Variants in ONECUT2 observed in about 807,000 individuals in gnomAD.
ONECUT2 encodes the protein one cut homeobox 2.
ONECUT2 carries 10 observed loss-of-function variants against 27.9 expected under a neutral mutation model. The observed-to-expected ratio is 0.36, with a 90% CI of 0.22 to 0.61. The LOEUF is 0.61. Among genes scored for constraint, ONECUT2 ranks in the 20% least tolerant of loss-of-function variants. The pLI, the probability that ONECUT2 is intolerant of heterozygous loss-of-function variation, is 0.73. For synonymous variants in ONECUT2, 334 were observed against 315.1 expected, an observed-to-expected ratio of 1.06 and a Z score of -0.64; for missense variants, 686 against 721.0, an observed-to-expected ratio of 0.95 and a Z score of 0.56.
At chr18:57,467,460 G>T (rs2050329297) in intron 1 of ONECUT2, among the ~76,000 whole-genome samples, 1 of 152,104 alleles carries the variant, frequency 6.6e-6, no homozygotes, top group Non-Finnish European at 1.5e-5. Context: ...CTGCCTCCCG[G>T]GTTGAAGTGA....
chr18:57,437,363 C>G (rs2050148686), intron 1 of ONECUT2, among the ~76,000 whole-genome samples: 1 of 152,212 alleles, frequency 6.6e-6, no homozygotes, highest in Non-Finnish European at 1.5e-5. Context: ...CCATGCACTT[C>G]AAGTCTCTTT....
intron 1 of ONECUT2, among the ~76,000 whole-genome samples, chr18:57,440,131 G>T (rs1338307462): frequency 6.6e-6 from 1 of 152,248 alleles, no homozygotes; most frequent in Non-Finnish European, 1.5e-5. Flanking sequence ...CGGAAAGGGC[G>T]GCTAAGTGGC....
chr18:57,437,271 C>T (rs1462789807), intron 1 of ONECUT2, among the ~76,000 whole-genome samples: 3 of 150,876 alleles, frequency 2.0e-5, no homozygotes, highest in South Asian at 2.2e-4. Flanking sequence ...TACTGGGAGG[C>T]GGGATGGGGG....
chr18:57,451,307 A>G (rs747738462), intron 1 of ONECUT2, among the ~76,000 whole-genome samples: 7 of 152,222 alleles, frequency 4.6e-5, no homozygotes, highest in Non-Finnish European at 1.0e-4. Context: ...CATGATAACT[A>G]GGTAAGCAAT....
In ONECUT2 at chr18:57,435,824, C is replaced by T. The variant is rs759992503; in HGVS notation, c.108C>T (p.Ala36=). The change falls in exon 1 of 2, where the codon GCC becomes GCT. Residue 36 remains alanine (A), a synonymous_variant. Coordinates refer to ENST00000491143, the MANE Select transcript of ONECUT2 (RefSeq NM_004852.3). ...GTCTGGGCACTTTGCACGGGCCGGC[C>T]GGCGGCGGCAGTGGCGGGGGCGGCG... ...MESLGTLHGP[A]GGGSGGGGGG... 1.4e-5 allele frequency: 16 copies of T among 1,104,292 alleles called. No individual in the cohort carries two copies. The highest frequency in any genetic ancestry group is 1.2e-4 in the African/African-American group (7 of 58,918). The allele number at this position is 1,104,292 out of a possible 1,614,324, so 68.4% of individuals were successfully genotyped here.
chr18:57,435,618 GC>G lies in ONECUT2; in HGVS notation c.-96del. On this transcript the variant is annotated 5_prime_UTR_variant, in exon 1 of 2. Transcript: ENST00000491143. Reference sequence around the variant, plus strand: ...CGCACTCCTCTCCACTCACTCCCGCGCCCGCCCCCACTCCCGCAGCCGAGCC... The same window carrying G: ...CGCACTCCTCTCCACTCACTCCCGCGCCGCCCCCACTCCCGCAGCCGAGCC... 6.2e-6 allele frequency: 6 copies of G among 960,678 alleles called. No homozygotes were observed. Among genetic ancestry groups the G allele is most frequent in the Non-Finnish European group, 7.4e-6 (6 of 810,576 alleles). The allele number at this position is 960,678 out of a possible 1,614,324, so 59.5% of individuals were successfully genotyped here. A position where few individuals can be genotyped will look rare whatever the true frequency, so the allele number is the denominator to read the frequency against.
At chr18:57,451,795 A>G (rs1190241433) in intron 1 of ONECUT2, among the ~76,000 whole-genome samples, 1 of 152,184 alleles carries the variant, frequency 6.6e-6, no homozygotes. Flanking sequence ...GAATCCAAGT[A>G]TTCCACCCCT....
At chr18:57,454,319 A>G (rs186285618) in intron 1 of ONECUT2, among the ~76,000 whole-genome samples, 1 of 152,290 alleles carries the variant, frequency 6.6e-6, no homozygotes, top group Admixed American at 6.5e-5. Context: ...ACTTCTCCAT[A>G]TATCAGCAGG....
rs1043840866 is a variant in ONECUT2 at position 57,477,819 on chromosome 18, GTTT to G, written c.*1099_*1101del. On this transcript the variant is annotated 3_prime_UTR_variant, in exon 2 of 2. Coordinates refer to ENST00000491143, the MANE Select transcript of ONECUT2 (RefSeq NM_004852.3). ...CCATTCTCGCTCTTTCTGATTTGGGGTTTTTCCTCATCCATCCCATTAGTAGGG... is the reference window on the plus strand; with the variant it reads ...CCATTCTCGCTCTTTCTGATTTGGGGTTCCTCATCCATCCCATTAGTAGGG... 1.3e-5 allele frequency: 2 copies of G among 152,316 alleles called. No homozygotes were observed. Among genetic ancestry groups the G allele is most frequent in the Admixed American group, 1.3e-4 (2 of 15,252 alleles). The allele number at this position is 152,316 out of a possible 1,614,324, so 9.4% of individuals were successfully genotyped here.
chr18:57,446,711 CTG>C (rs2050201925), intron 1 of ONECUT2, among the ~76,000 whole-genome samples: 1 of 152,200 alleles, frequency 6.6e-6, no homozygotes, highest in African/African-American at 2.4e-5. Context: ...TCCTTTGAAA[CTG>C]TAACCTCTGC....
At chr18:57,445,010 A>T (rs1468203243) in intron 1 of ONECUT2, among the ~76,000 whole-genome samples, 3 of 152,172 alleles carry the variant, frequency 2.0e-5, no homozygotes, top group Non-Finnish European at 2.9e-5. Context: ...GACAAAATAG[A>T]TGCATTTGGC....
chr18:57,474,637 A>G (rs1404976612), intron 1 of ONECUT2, among the ~76,000 whole-genome samples: 4 of 152,126 alleles, frequency 2.6e-5, no homozygotes, highest in Admixed American at 6.5e-5. Context: ...TTATGGCCCA[A>G]TCACCTCCCA....
intron 1 of ONECUT2, among the ~76,000 whole-genome samples, chr18:57,442,276 C>A: frequency 6.8e-6 from 1 of 146,936 alleles, no homozygotes. Flanking sequence ...ATTATGAATC[C>A]CACCTGTTGA....
At chr18:57,453,001 T>G (rs140574415) in intron 1 of ONECUT2, among the ~76,000 whole-genome samples, 4 of 152,358 alleles carry the variant, frequency 2.6e-5, no homozygotes, top group Non-Finnish European at 5.9e-5. Flanking sequence ...TTTTTTAAAC[T>G]TAGGTTCTAC....
At chr18:57,472,685 A>C (rs907926112) in intron 1 of ONECUT2, among the ~76,000 whole-genome samples, 1 of 152,038 alleles carries the variant, frequency 6.6e-6, no homozygotes, top group Non-Finnish European at 1.5e-5. Flanking sequence ...TAATATTTTT[A>C]TCTTAAATAT....
intron 1 of ONECUT2, among the ~76,000 whole-genome samples, chr18:57,439,188 C>T (rs1191821856): frequency 1.3e-5 from 2 of 152,194 alleles, no homozygotes; most frequent in Non-Finnish European, 2.9e-5. Flanking sequence ...TAAAATGATC[C>T]CAAGCGTTGC....
rs1328359384 is a variant in ONECUT2, at chr18:57,483,557, G to GA, written c.*6835dup. 1 of 152,512 alleles carries GA rather than the reference G, an allele frequency of 6.6e-6. No homozygotes were observed. The highest frequency in any genetic ancestry group is 2.4e-5 in the African/African-American group (1 of 41,430). The allele number at this position is 152,512 out of a possible 1,614,324, so 9.4% of individuals were successfully genotyped here. On this transcript the variant is annotated 3_prime_UTR_variant, in exon 2 of 2. Coordinates refer to ENST00000491143, the MANE Select transcript of ONECUT2 (RefSeq NM_004852.3). ...TTATTTAATCATCCTTCCTTAGTTTGATTCTACTCCTTGTACTTATTTATC... is the reference window on the plus strand; with the variant it reads ...TTATTTAATCATCCTTCCTTAGTTTGAATTCTACTCCTTGTACTTATTTATC...
chr18:57,462,979 G>T (rs970748652), intron 1 of ONECUT2, among the ~76,000 whole-genome samples: 2 of 151,906 alleles, frequency 1.3e-5, no homozygotes, highest in African/African-American at 2.4e-5. Flanking sequence ...TGATCTGCCC[G>T]CCTCGGCCTC....
intron 1 of ONECUT2, among the ~76,000 whole-genome samples, chr18:57,449,963 C>G (rs1384914532): frequency 6.6e-6 from 1 of 152,194 alleles, no homozygotes; most frequent in Admixed American, 6.5e-5. Context: ...TTCCCCATGG[C>G]TCTGGAGGGG....
Sources: gnomAD v4.1 joint callset for allele counts (sites outside exome capture counted in the v4.1 genomes callset) on GRCh38, gnomAD v4.1.1 for gene constraint, MANE v1.5 for transcripts, NCBI Gene and HGNC (gene_info 2026-07-23, HGNC 2026-07-21) for gene names.